The following SMARCA4 variants were observed in gnomAD, a reference collection of about 807,000 sequenced individuals.
The protein encoded by SMARCA4 is SWI/SNF related BAF chromatin remodeling complex subunit ATPase 4.
A neutral mutation model predicts 193.9 loss-of-function variants in SMARCA4; 31 were observed. The observed-to-expected ratio is 0.16, with a 90% CI of 0.12 to 0.22. SMARCA4 has a LOEUF of 0.22. Ranked by LOEUF, SMARCA4 falls within the 10% of genes least tolerant of loss-of-function variation. The pLI is 1.00. For synonymous variants in SMARCA4, 942 were observed against 933.1 expected, an observed-to-expected ratio of 1.01 and a Z score of -0.17; for missense variants, 1,148 against 2,296.0, an observed-to-expected ratio of 0.50 and a Z score of 10.22.
At chr19:11,023,971 G>A (rs1018873504) in intron 20 of SMARCA4, among the ~76,000 whole-genome samples, 4 of 152,214 alleles carry the variant, frequency 2.6e-5, no homozygotes, top group Admixed American at 2.6e-4. Flanking sequence ...GGTTTTCAAG[G>A]CCTGCTGCAG....
intron 16 of SMARCA4, chr19:11,016,076 G>A (rs114743446): frequency 4.6e-5 from 7 of 152,310 alleles, no homozygotes; most frequent in African/African-American, 1.7e-4. Flanking sequence ...ACCTGGTGAG[G>A]GCTTCAGGCG....
rs2145809403 is a variant in SMARCA4, at chr19:10,987,584, A to G, written c.860-82A>G. 1 of 1,539,830 alleles carries G rather than the reference A, an allele frequency of 6.5e-7. No individual in the cohort carries two copies. The highest frequency in any genetic ancestry group is 1.1e-5 in the South Asian group (1 of 89,060). On this transcript the variant is annotated intron_variant, in intron 5 of 34. Coordinates refer to ENST00000344626, the MANE Select transcript of SMARCA4 (RefSeq NM_003072.5). This position sits in a 1 kb window ranked among gnomAD's most constrained non-coding sequence, Gnocchi z 5.3. The stretch of plus-strand genomic sequence containing the variant: ...GGGTCTGCCTGTCCCCAGTGCCTCA[A>G]GCAGCTCAGCAGCTTTCCATTTCCA...
chr19:10,972,868 T>C (rs1360665331), intron 1 of SMARCA4, among the ~76,000 whole-genome samples: 1 of 152,178 alleles, frequency 6.6e-6, no homozygotes, highest in Non-Finnish European at 1.5e-5. Flanking sequence ...CCCAGCACTT[T>C]GGGAGGCCAA....
rs754049390 is a variant in SMARCA4 at position 10,986,515 on chromosome 19, A to ACAGGACCCGGCCCTGGCCCTGGCC, written c.684_707dup (p.Gly237_Pro244dup). 28 of 1,544,878 alleles carry ACAGGACCCGGCCCTGGCCCTGGCC rather than the reference A, an allele frequency of 1.8e-5. No individual in the cohort carries two copies. The South Asian group carries it at 3.2e-4, about 18-fold the overall frequency. ...GCTACCTCCACCCTCGGTGTCCGCA[A>ACAGGACCCGGCCCTGGCCCTGGCC]CAGGACCCGGCCCTGGCCCTGGCCC... On this transcript the variant is annotated inframe_insertion, in exon 4 of 35. Coordinates refer to ENST00000344626, the MANE Select transcript of SMARCA4 (RefSeq NM_003072.5). The surrounding 1 kb of genome is among the most constrained non-coding windows in gnomAD (Gnocchi z 6.7).
chr19:11,055,272 C>T (rs1461062560), intron 30 of SMARCA4, among the ~76,000 whole-genome samples: 2 of 152,154 alleles, frequency 1.3e-5, no homozygotes. Context: ...TCACTGCAAC[C>T]TCTGCCACCC....
At position 11,033,670 on chromosome 19, in the gene SMARCA4, ACTTG is replaced by A. The variant is rs1464503270; in HGVS notation, c.3775-93_3775-90del. On this transcript the variant is annotated intron_variant, in intron 26 of 34. Transcript: ENST00000344626. The surrounding 1 kb of genome is among the most constrained non-coding windows in gnomAD (Gnocchi z 9.8). ...TGGGCTGAACGGAAAGAGGATGAGT[ACTTG>A]CTTTTTCTTTGAAGTGGTTTTTTTT... The A allele has an allele frequency of 1.0e-5, 8 of 776,676 alleles. No individual in the cohort carries two copies. Among genetic ancestry groups the A allele is most frequent in the Non-Finnish European group, 1.2e-5 (5 of 424,212 alleles). The allele number at this position is 776,676 out of a possible 1,614,324, so 48.1% of individuals were successfully genotyped here.
chr19:11,058,288 C>T lies in SMARCA4; in HGVS notation c.4458C>T (p.Ile1486=), dbSNP rs550796495. 118 of 1,613,326 alleles carry T rather than the reference C, an allele frequency of 7.3e-5. 1 individual carries two copies. In the South Asian group the frequency reaches 1.2e-3, roughly 17 times the overall value. ...SSGRQLSEVF[I]QLPSRKELPE... The stretch of plus-strand genomic sequence containing the variant: ...GACGTCAGCTCAGCGAGGTCTTCAT[C>T]CAGCTGCCCTCGCGAAAGGAGCTGC... The change falls in exon 31 of 35, where the codon ATC becomes ATT. Residue 1486 remains isoleucine, a synonymous_variant. Transcript: ENST00000344626. The surrounding 1 kb of genome is among the most constrained non-coding windows in gnomAD (Gnocchi z 5.8).
chr19:10,969,065 A>G (rs754300721), intron 1 of SMARCA4, among the ~76,000 whole-genome samples: 4 of 152,102 alleles, frequency 2.6e-5, no homozygotes, highest in East Asian at 1.9e-4. Context: ...CCTGGAGTCA[A>G]AGAGACTTGA....
intron 29 of SMARCA4, among the ~76,000 whole-genome samples, chr19:11,035,571 C>CA (rs1483404763): frequency 6.6e-6 from 1 of 152,208 alleles, no homozygotes; most frequent in Non-Finnish European, 1.5e-5. Context: ...AGTCCCCCCC[C>CA]ATGAGCTGGG....
chr19:10,975,217 A>G (rs183519608), intron 1 of SMARCA4, among the ~76,000 whole-genome samples: 519 of 149,844 alleles, frequency 3.5e-3, no homozygotes, highest in Non-Finnish European at 5.3e-3. Context: ...GGATTCTGCT[A>G]TGTTGGCCAG....
At chr19:11,007,213 C>CTT (rs1716731487) in intron 13 of SMARCA4, among the ~76,000 whole-genome samples, 1 of 151,776 alleles carries the variant, frequency 6.6e-6, no homozygotes, top group Non-Finnish European at 1.5e-5. Flanking sequence ...AGGCGGATCA[C>CTT]GAGGTCAGGA....
chr19:10,998,183 G>T (rs1271551152), intron 11 of SMARCA4, among the ~76,000 whole-genome samples: 1 of 152,184 alleles, frequency 6.6e-6, no homozygotes, highest in Non-Finnish European at 1.5e-5. Context: ...ACCACGCTTG[G>T]CTTCAGGCCA....
At chr19:11,015,293 G>A (rs2089251035) in intron 16 of SMARCA4, among the ~76,000 whole-genome samples, 1 of 152,198 alleles carries the variant, frequency 6.6e-6, no homozygotes, top group Non-Finnish European at 1.5e-5. Context: ...CTCACAAGTG[G>A]CCTTGCTCTG....
At chr19:11,009,007 C>CTTT (rs762148337) in intron 14 of SMARCA4, among the ~76,000 whole-genome samples, 1,929 of 40,922 alleles carry the variant, frequency 0.047, 512 homozygotes, top group African/African-American at 0.1. Flanking sequence ...ATAAAAGTCA[C>CTTT]TTTTTTTTTT....
chr19:10,973,595 A>G (rs2084859638), intron 1 of SMARCA4, among the ~76,000 whole-genome samples: 2 of 106,608 alleles, frequency 1.9e-5, no homozygotes, highest in African/African-American at 3.8e-5. Context: ...TTTGAGACAG[A>G]GTCTTGCTCT....
chr19:11,042,566 G>A (rs1051720997), intron 30 of SMARCA4, among the ~76,000 whole-genome samples: 5 of 152,364 alleles, frequency 3.3e-5, no homozygotes, highest in South Asian at 2.1e-4. Context: ...GAAGCAGAGC[G>A]TGGGGGAATT....
intron 1 of SMARCA4, among the ~76,000 whole-genome samples, chr19:10,969,219 G>C (rs1399814886): frequency 6.6e-6 from 1 of 152,092 alleles, no homozygotes; most frequent in Non-Finnish European, 1.5e-5. Context: ...CTTGCTCTAG[G>C]GCTTGGTCAG....
In SMARCA4 at chr19:11,041,413, C is replaced by T. The variant is rs1334955221; in HGVS notation, c.4277C>T (p.Thr1426Ile). 10 of 1,612,242 alleles carry T rather than the reference C, an allele frequency of 6.2e-6. No homozygotes were observed. Among genetic ancestry groups the T allele is most frequent in the Non-Finnish European group, 8.5e-6 (10 of 1,179,926 alleles). The change falls in exon 30 of 35, where the codon ACC becomes ATC. Residue 1426 changes from threonine (T) to isoleucine (I), a missense_variant. Thr to Ile is a moderately conservative substitution (Grantham distance 89, BLOSUM62 -1). This residue lies in a region of SMARCA4 where 141 missense variants were observed against 193.0 expected (regional missense o/e 0.73). Transcript: ENST00000344626. This position sits in a 1 kb window ranked among gnomAD's most constrained non-coding sequence, Gnocchi z 5.6. Reference sequence around the variant, plus strand: ...GACGCCGGCTCCTCCACCCCGACCACCAGCACCCGCAGCCGCGACAAGGAC... The same window carrying T: ...GACGCCGGCTCCTCCACCCCGACCATCAGCACCCGCAGCCGCGACAAGGAC... The part of the protein sequence containing the change: ...DSDAGSSTPT[T>I]STRSRDKDDE...
At chr19:11,009,117 G>T (rs1260887733) in intron 14 of SMARCA4, among the ~76,000 whole-genome samples, 1 of 130,704 alleles carries the variant, frequency 7.7e-6, no homozygotes, top group Admixed American at 9.6e-5. Context: ...CACCTCCTGG[G>T]TTCGAGTGAT....
Sources: gnomAD v4.1 joint callset for allele counts (sites outside exome capture counted in the v4.1 genomes callset) on GRCh38, gnomAD v4.1.1 for gene constraint, gnomAD v4.1.1 regional missense constraint, Gnocchi (gnomAD v3.1) non-coding constraint, MANE v1.5 for transcripts, NCBI Gene and HGNC (gene_info 2026-07-23, HGNC 2026-07-21) for gene names.